SLC35D4: variants seen among roughly 807,000 people sequenced by gnomAD.
SLC35D4 encodes the protein solute carrier family 35 member D4, also known as UDP-N-acetylglucosamine transporter SLC35D4.
the SLC35D4 span, among the ~76,000 whole-genome samples, chr18:23,240,047 G>A: frequency 6.6e-6 from 1 of 152,210 alleles, no homozygotes; most frequent in South Asian, 2.1e-4. Context: ...GAACCCAGGA[G>A]GCAGAGGCTG....
the SLC35D4 span, among the ~76,000 whole-genome samples, chr18:23,295,207 C>T: frequency 6.6e-6 from 1 of 150,422 alleles, no homozygotes; most frequent in African/African-American, 2.5e-5. Flanking sequence ...ATACACCGGG[C>T]CTGTCGGGGG....
the SLC35D4 span, among the ~76,000 whole-genome samples, chr18:23,311,902 A>G: frequency 2.6e-5 from 4 of 151,076 alleles, no homozygotes; most frequent in Admixed American, 2.6e-4. Context: ...GCAACTTCTT[A>G]GACATGGCCT....
chr18:23,437,368 A>T, the SLC35D4 span, among the ~76,000 whole-genome samples: 1 of 152,110 alleles, frequency 6.6e-6, no homozygotes, highest in Admixed American at 6.5e-5. Flanking sequence ...CTTCTATTTA[A>T]AGGCTTCTGG....
At chr18:23,282,187 C>T in the SLC35D4 span, among the ~76,000 whole-genome samples, 317 of 152,318 alleles carry the variant, frequency 2.1e-3, 3 homozygotes, top group African/African-American at 7.4e-3. Context: ...GCTAATCCTG[C>T]GGGCCTTTCA....
chr18:23,263,342 C>T, the SLC35D4 span, among the ~76,000 whole-genome samples: 1 of 152,342 alleles, frequency 6.6e-6, no homozygotes, highest in South Asian at 2.1e-4. Flanking sequence ...CCAGCCACTG[C>T]TGGCCCTTTT....
chr18:23,319,664 C>T, the SLC35D4 span, among the ~76,000 whole-genome samples: 2 of 152,206 alleles, frequency 1.3e-5, no homozygotes, highest in African/African-American at 2.4e-5. Flanking sequence ...GTCTCAAACT[C>T]CTGACCTCAG....
chr18:23,386,089 C>A, the SLC35D4 span, among the ~76,000 whole-genome samples: 31 of 141,250 alleles, frequency 2.2e-4, no homozygotes, highest in African/African-American at 7.8e-4. Context: ...GCTGAGATCG[C>A]ACTCCAGCCT....
chr18:23,348,072 C>T, the SLC35D4 span, among the ~76,000 whole-genome samples: 24 of 152,198 alleles, frequency 1.6e-4, no homozygotes, highest in African/African-American at 5.3e-4. Context: ...TTTTAATATC[C>T]ATTGTAATTT....
chr18:23,243,872 C>CAAA, the SLC35D4 span, among the ~76,000 whole-genome samples: 895 of 109,878 alleles, frequency 8.1e-3, 7 homozygotes, highest in African/African-American at 0.023. Flanking sequence ...GACTCCGTTT[C>CAAA]AAAAAAAAAA....
At chr18:23,321,459 G>A in the SLC35D4 span, among the ~76,000 whole-genome samples, 5 of 151,930 alleles carry the variant, frequency 3.3e-5, no homozygotes, top group African/African-American at 4.8e-5. Flanking sequence ...ACAAAGTGGG[G>A]AGTCTTTTTT....
At chr18:23,368,871 T>G in the SLC35D4 span, 1 of 631,876 alleles carries the variant, frequency 1.6e-6, no homozygotes, top group South Asian at 2.5e-5. Context: ...AAATTATCCA[T>G]AAATAGAGGG....
the SLC35D4 span, among the ~76,000 whole-genome samples, chr18:23,341,274 T>C: frequency 6.6e-6 from 1 of 152,348 alleles, no homozygotes; most frequent in Admixed American, 6.5e-5. Flanking sequence ...ATAATAGTGA[T>C]AACAACCTAA....
chr18:23,324,616 T>G, the SLC35D4 span, among the ~76,000 whole-genome samples: 1 of 152,174 alleles, frequency 6.6e-6, no homozygotes. Flanking sequence ...AAGCAAAGAA[T>G]GTCAATATTA....
the SLC35D4 span, among the ~76,000 whole-genome samples, chr18:23,348,732 G>C: frequency 9.9e-5 from 15 of 152,110 alleles, no homozygotes; most frequent in Non-Finnish European, 1.9e-4. Flanking sequence ...TTTACTTTAA[G>C]GTATAACTGT....
chr18:23,358,433 AG>A, the SLC35D4 span, among the ~76,000 whole-genome samples: 1 of 146,380 alleles, frequency 6.8e-6, no homozygotes, highest in Non-Finnish European at 1.5e-5. Flanking sequence ...GAAGACTAGG[AG>A]GGAGGAAAAG....
chr18:23,389,028 C>T, the SLC35D4 span, among the ~76,000 whole-genome samples: 1 of 133,026 alleles, frequency 7.5e-6, no homozygotes, highest in African/African-American at 2.9e-5. Flanking sequence ...CTTGCTCTGT[C>T]ACCCAGGCCA....
chr18:23,248,777 A>G, the SLC35D4 span, among the ~76,000 whole-genome samples: 1 of 152,182 alleles, frequency 6.6e-6, no homozygotes, highest in South Asian at 2.1e-4. Context: ...GTGATCTGAG[A>G]TCACACCATT....
chr18:23,251,145 TTGAC>T, the SLC35D4 span, among the ~76,000 whole-genome samples: 19 of 152,308 alleles, frequency 1.2e-4, no homozygotes, highest in East Asian at 3.5e-3. Flanking sequence ...TTCCTGAGCT[TTGAC>T]TGATTAAGAT....
At chr18:23,432,453 C>T in the SLC35D4 span, among the ~76,000 whole-genome samples, 7 of 152,014 alleles carry the variant, frequency 4.6e-5, no homozygotes, top group Non-Finnish European at 1.0e-4. Context: ...GAAGCCGAGG[C>T]GGGAGGATCA....
Sources: gnomAD v4.1 joint callset for allele counts (sites outside exome capture counted in the v4.1 genomes callset) on GRCh38, gnomAD v4.1.1 for gene constraint, MANE v1.5 for transcripts, NCBI Gene and HGNC (gene_info 2026-07-23, HGNC 2026-07-21) for gene names.